RBPJ: variants seen among roughly 807,000 people sequenced by gnomAD.
RBPJ encodes recombination signal binding protein for immunoglobulin kappa J region, also known as recombining binding protein suppressor of hairless.
Under a neutral mutation model 67.8 loss-of-function variants are expected in RBPJ, and 9 were observed. The ratio of observed to expected loss-of-function variants is 0.13; its 90% CI spans 0.08 to 0.23. The LOEUF (loss-of-function observed/expected upper bound fraction) is 0.23, where lower values mean the gene tolerates loss of function less well. Ranked by LOEUF, RBPJ falls within the 10% of genes least tolerant of loss-of-function variation. RBPJ has a pLI of 1.00. For missense variants in RBPJ, 305 were observed against 595.6 expected (o/e 0.51, Z 5.08); for synonymous variants, 198 against 203.3 (o/e 0.97, Z 0.22).
chr4:26,335,327 G>A (rs1019028306), intron 1 of RBPJ, among the ~76,000 whole-genome samples: 10 of 151,174 alleles, frequency 6.6e-5, no homozygotes, highest in African/African-American at 1.7e-4. Flanking sequence ...GACTACAGGC[G>A]TGTACCACCA....
At chr4:26,383,522 A>G (rs2109615287) in intron 1 of RBPJ, among the ~76,000 whole-genome samples, 1 of 152,346 alleles carries the variant, frequency 6.6e-6, no homozygotes, top group South Asian at 2.1e-4. Flanking sequence ...AGCCTTAGGT[A>G]GAATTTGGTC....
rs569956341 is a variant in RBPJ at position 26,212,644 on chromosome 4, C to T, written c.-167+49030C>T. Among the ~76,000 whole-genome samples the T allele has an allele frequency of 2.1e-3, 316 of 152,096 alleles. 1 individual carries two copies. The highest frequency in any genetic ancestry group is 7.2e-3 in the African/African-American group (300 of 41,510). On this transcript the variant is annotated intron_variant, in intron 1 of 4. Coordinates refer to the RBPJ transcript ENST00000512351. ...AGCTGGCTATAAAGAAATTCTCTGA[C>T]CTACCTTGTCTGATTGTGGTCAGAA...
intron 1 of RBPJ, among the ~76,000 whole-genome samples, chr4:26,212,864 T>C (rs998695298): frequency 3.3e-5 from 5 of 152,014 alleles, no homozygotes; most frequent in African/African-American, 1.2e-4. Context: ...GAAGTTTCCA[T>C]AAAAGGCCCA....
chr4:26,330,373 A>C (rs1313974318), intron 1 of RBPJ, among the ~76,000 whole-genome samples: 7 of 152,220 alleles, frequency 4.6e-5, no homozygotes. Flanking sequence ...GTAATATATA[A>C]CACTTGCCAC....
At chr4:26,202,236 C>T (rs149549428) in intron 1 of RBPJ, among the ~76,000 whole-genome samples, 242 of 152,150 alleles carry the variant, frequency 1.6e-3, no homozygotes, top group Non-Finnish European at 2.9e-3. Flanking sequence ...AAAGGAATCT[C>T]CAGTTCCAAA....
chr4:26,399,534 T>TC (rs397815269), intron 2 of RBPJ, among the ~76,000 whole-genome samples: 2 of 151,154 alleles, frequency 1.3e-5, no homozygotes, highest in African/African-American at 4.8e-5. Flanking sequence ...TTTTTTTTTT[T>TC]CTGTATAAAA....
At chr4:26,206,078 G>A (rs560409049) in intron 1 of RBPJ, among the ~76,000 whole-genome samples, 5 of 152,176 alleles carry the variant, frequency 3.3e-5, no homozygotes, top group African/African-American at 7.2e-5. Flanking sequence ...GGTAGTCTAC[G>A]TGAAAACACT....
At chr4:26,262,644 A>G (rs1401287831) in intron 1 of RBPJ, among the ~76,000 whole-genome samples, 1 of 151,980 alleles carries the variant, frequency 6.6e-6, no homozygotes, top group Non-Finnish European at 1.5e-5. Flanking sequence ...ACATTTCACA[A>G]TCTCCTTGGA....
intron 2 of RBPJ, among the ~76,000 whole-genome samples, chr4:26,395,490 C>T (rs1435786497): frequency 2.0e-5 from 3 of 152,120 alleles, no homozygotes; most frequent in East Asian, 3.9e-4. Flanking sequence ...CTATTGTCCA[C>T]GTTAACATGG....
At chr4:26,212,653 T>A (rs924523044) in intron 1 of RBPJ, among the ~76,000 whole-genome samples, 3 of 152,056 alleles carry the variant, frequency 2.0e-5, no homozygotes, top group African/African-American at 7.2e-5. Flanking sequence ...ACCTACCTTG[T>A]CTGATTGTGG....
chr4:26,120,360 C>A, the RBPJ span, among the ~76,000 whole-genome samples: 9 of 152,074 alleles, frequency 5.9e-5, no homozygotes, highest in African/African-American at 2.2e-4. Context: ...CAGTAAACAC[C>A]CATCACCTTG....
chr4:26,277,674 G>C (rs1721128681), intron 1 of RBPJ, among the ~76,000 whole-genome samples: 2 of 152,224 alleles, frequency 1.3e-5, no homozygotes, highest in Non-Finnish European at 2.9e-5. Flanking sequence ...TTAAAACTAA[G>C]ATGGCAGTGA....
chr4:26,214,670 CAAGG>C (rs1434549594), intron 1 of RBPJ, among the ~76,000 whole-genome samples: 1 of 102,382 alleles, frequency 9.8e-6, no homozygotes, highest in Non-Finnish European at 1.8e-5. Flanking sequence ...AAGGAAGAAA[CAAGG>C]GAGGGAGGAG....
the RBPJ span, among the ~76,000 whole-genome samples, chr4:26,131,016 A>G: frequency 1.3e-5 from 2 of 152,352 alleles, no homozygotes; most frequent in East Asian, 1.9e-4. Context: ...TGCCTGTGCC[A>G]TCATGTACCA....
chr4:26,238,759 G>A (rs1452652666), intron 1 of RBPJ, among the ~76,000 whole-genome samples: 2 of 152,148 alleles, frequency 1.3e-5, no homozygotes, highest in African/African-American at 2.4e-5. Flanking sequence ...AAGTGGTGGG[G>A]TCGCGGGAGG....
At chr4:26,244,509 A>T (rs1719858660) in intron 1 of RBPJ, among the ~76,000 whole-genome samples, 1 of 146,974 alleles carries the variant, frequency 6.8e-6, no homozygotes, top group African/African-American at 2.5e-5. Flanking sequence ...GTATATATGT[A>T]TACATATATG....
chr4:26,210,935 T>C (rs1177497821), intron 1 of RBPJ, among the ~76,000 whole-genome samples: 2 of 151,958 alleles, frequency 1.3e-5, no homozygotes, highest in African/African-American at 2.4e-5. Context: ...TGGTTTTGTA[T>C]TGTGATTTAT....
chr4:26,350,699 T>C (rs1560285710), intron 1 of RBPJ, among the ~76,000 whole-genome samples: 1 of 152,198 alleles, frequency 6.6e-6, no homozygotes, highest in Non-Finnish European at 1.5e-5. Flanking sequence ...TAAAGACCTG[T>C]AGGCAGAGTA....
chr4:26,366,277 TTTTTGTTTTG>T (rs540662744), intron 1 of RBPJ, among the ~76,000 whole-genome samples: 6,424 of 152,120 alleles, frequency 0.042, 206 homozygotes, highest in Non-Finnish European at 0.066. Context: ...CAGTAGTTTT[TTTTTGTTTTG>T]TTTTGTTTTG....
Sources: allele counts gnomAD v4.1 joint callset (sites outside exome capture counted in the v4.1 genomes callset), GRCh38; gene constraint gnomAD v4.1.1; transcripts MANE v1.5; gene names NCBI Gene and HGNC (gene_info 2026-07-23, HGNC 2026-07-21).